NCKAP5: variants seen among roughly 807,000 people sequenced by gnomAD.
The protein encoded by NCKAP5 is NCK associated protein 5.
NCKAP5 carries 92 observed loss-of-function variants against 167.0 expected under a neutral mutation model. The observed-to-expected ratio is 0.55, with a 90% CI of 0.47 to 0.66. The LOEUF is 0.66. Among genes scored for constraint, NCKAP5 ranks in the 30% least tolerant of loss-of-function variants. The pLI is 0.00. For synonymous variants in NCKAP5, 891 were observed against 877.4 expected (o/e 1.02, Z -0.27); for missense variants, 2,378 against 2,315.0 (o/e 1.03, Z -0.56).
chr2:132,682,151 C>A, intron 19 of NCKAP5, among the ~76,000 whole-genome samples: 1 of 152,072 alleles, frequency 6.6e-6, no homozygotes, highest in African/African-American at 2.4e-5. Flanking sequence ...TTTAAAGATT[C>A]TTTCAACGAT....
intron 6 of NCKAP5, among the ~76,000 whole-genome samples, chr2:133,056,283 A>G (rs1224802541): frequency 6.6e-6 from 1 of 152,112 alleles, no homozygotes; most frequent in African/African-American, 2.4e-5. Context: ...AACATTCATC[A>G]TCCCTATTTT....
At chr2:132,947,732 G>A (rs2149127657) in intron 8 of NCKAP5, among the ~76,000 whole-genome samples, 1 of 152,176 alleles carries the variant, frequency 6.6e-6, no homozygotes, top group Admixed American at 6.5e-5. Flanking sequence ...GAGGACACTT[G>A]TTTTCTTTTA....
At position 132,673,020 on chromosome 2, in the gene NCKAP5, T is replaced by G; in HGVS notation, c.*269A>C. The stretch of plus-strand genomic sequence containing the variant: ...TCCCAGCTCACTAAGGGAAGAGATG[T>G]CCTTTATACATCATTTGAACCTTGA... On this transcript the variant is annotated 3_prime_UTR_variant, in exon 20 of 20. Transcript: ENST00000409261. 1 of 972,254 alleles carries G rather than the reference T, an allele frequency of 1.0e-6. No homozygotes were observed. The highest frequency in any genetic ancestry group is 1.2e-6 in the Non-Finnish European group (1 of 830,476). The allele number at this position is 972,254 out of a possible 1,614,324, so 60.2% of individuals were successfully genotyped here. A position where few individuals can be genotyped will look rare whatever the true frequency, so the allele number is the denominator to read the frequency against.
chr2:133,509,798 T>C (rs7340510), intron 3 of NCKAP5, among the ~76,000 whole-genome samples: 17,859 of 152,118 alleles, frequency 0.12, 1,944 homozygotes, highest in African/African-American at 0.29. Flanking sequence ...TGACAAAGAA[T>C]GATCAGGTCC....
intron 5 of NCKAP5, among the ~76,000 whole-genome samples, chr2:133,193,932 A>G (rs942425265): frequency 1.3e-5 from 2 of 152,180 alleles, no homozygotes; most frequent in Non-Finnish European, 2.9e-5. Flanking sequence ...AATTTTCTAC[A>G]AACAAATTGG....
intron 16 of NCKAP5, among the ~76,000 whole-genome samples, chr2:132,741,791 C>T (rs182173926): frequency 2.6e-5 from 4 of 152,170 alleles, no homozygotes; most frequent in East Asian, 3.9e-4. Context: ...CTTATCTATC[C>T]ACCTTTTCGC....
At chr2:132,770,352 T>C (rs1681920928) in intron 16 of NCKAP5, among the ~76,000 whole-genome samples, 1 of 148,440 alleles carries the variant, frequency 6.7e-6, no homozygotes, top group South Asian at 2.1e-4. Flanking sequence ...TTAATATGAA[T>C]ACAACATATA....
intron 11 of NCKAP5, among the ~76,000 whole-genome samples, chr2:132,859,565 C>T (rs2148708977): frequency 6.6e-6 from 1 of 152,218 alleles, no homozygotes; most frequent in South Asian, 2.1e-4. Flanking sequence ...ATTTAAATAG[C>T]CCTACATGGC....
intron 5 of NCKAP5, among the ~76,000 whole-genome samples, chr2:133,178,596 C>T (rs1295128209): frequency 2.1e-5 from 3 of 144,750 alleles, no homozygotes; most frequent in Non-Finnish European, 4.5e-5. Context: ...GAGGCCGATG[C>T]GGGCGGATCA....
chr2:132,932,573 G>T (rs1057366098), intron 8 of NCKAP5, among the ~76,000 whole-genome samples: 1 of 152,196 alleles, frequency 6.6e-6, no homozygotes, highest in Non-Finnish European at 1.5e-5. Context: ...AGGCAACACT[G>T]CAATGGGAAA....
chr2:132,676,405 C>T (rs1684499319), intron 19 of NCKAP5, among the ~76,000 whole-genome samples: 1 of 136,116 alleles, frequency 7.3e-6, no homozygotes, highest in African/African-American at 2.7e-5. Context: ...TCAGTAGTTT[C>T]TCAGTGGAGA....
At chr2:133,238,038 T>C (rs2087503193) in intron 4 of NCKAP5, among the ~76,000 whole-genome samples, 1 of 152,262 alleles carries the variant, frequency 6.6e-6, no homozygotes, top group South Asian at 2.1e-4. Flanking sequence ...TGAAAACTTG[T>C]CATTCGCTCT....
intron 3 of NCKAP5, among the ~76,000 whole-genome samples, chr2:133,441,115 C>G (rs1004557009): frequency 6.6e-6 from 1 of 151,822 alleles, no homozygotes; most frequent in African/African-American, 2.4e-5. Flanking sequence ...CACACACACA[C>G]ACACACAGAG....
intron 5 of NCKAP5, among the ~76,000 whole-genome samples, chr2:133,202,333 T>C (rs866613517): frequency 1.3e-5 from 2 of 152,156 alleles, no homozygotes; most frequent in Non-Finnish European, 2.9e-5. Context: ...TGGCTAGCCA[T>C]ATGGAGAAAG....
the NCKAP5 span, among the ~76,000 whole-genome samples, chr2:133,657,346 T>C: frequency 3.3e-5 from 5 of 152,322 alleles, no homozygotes; most frequent in South Asian, 2.1e-4. Context: ...GTTCAAACCA[T>C]TGAAACTCGT....
intron 3 of NCKAP5, among the ~76,000 whole-genome samples, chr2:133,362,349 T>A (rs756576694): frequency 6.6e-6 from 1 of 152,168 alleles, no homozygotes; most frequent in Non-Finnish European, 1.5e-5. Context: ...AATGACACCC[T>A]GGGGTAATGA....
intron 5 of NCKAP5, among the ~76,000 whole-genome samples, chr2:133,176,090 G>A (rs142772830): frequency 5.3e-5 from 8 of 152,248 alleles, no homozygotes; most frequent in Admixed American, 1.3e-4. Flanking sequence ...AGTGGAGACC[G>A]CATATCCAGC....
At chr2:133,533,427 C>T (rs1214693868) in intron 2 of NCKAP5, among the ~76,000 whole-genome samples, 2 of 152,196 alleles carry the variant, frequency 1.3e-5, no homozygotes, top group Non-Finnish European at 2.9e-5. Context: ...ATAGACTACA[C>T]TTTGATTACA....
chr2:133,205,729 A>G (rs1403627102), intron 5 of NCKAP5, among the ~76,000 whole-genome samples: 36 of 152,118 alleles, frequency 2.4e-4, no homozygotes, highest in Admixed American at 2.3e-3. Context: ...TCTTTATGGT[A>G]TTCCATCTTC....
Sources: gnomAD v4.1 joint callset for allele counts (sites outside exome capture counted in the v4.1 genomes callset) on GRCh38, gnomAD v4.1.1 for gene constraint, MANE v1.5 for transcripts, NCBI Gene and HGNC (gene_info 2026-07-23, HGNC 2026-07-21) for gene names.